Variants in NRXN3 observed in about 807,000 individuals in gnomAD.
NRXN3 encodes the protein neurexin 3.
A neutral mutation model predicts 137.6 loss-of-function variants in NRXN3; 32 were observed. The observed-to-expected ratio is 0.23, with a 90% CI of 0.18 to 0.31. The LOEUF is 0.31. Among genes scored for constraint, NRXN3 ranks in the 10% least tolerant of loss-of-function variants. The pLI, the probability that NRXN3 is intolerant of heterozygous loss-of-function variation, is 1.00. For synonymous variants in NRXN3, 798 were observed against 784.5 expected (o/e 1.02, Z -0.29); for missense variants, 1,574 against 2,062.5 (o/e 0.76, Z 4.59).
chr14:79,355,285 C>T (rs1425841458), intron 15 of NRXN3, among the ~76,000 whole-genome samples: 4 of 150,978 alleles, frequency 2.6e-5, no homozygotes. Flanking sequence ...TCCTCTGTCC[C>T]TCCAACTCTT....
chr14:79,716,964 A>T (rs1157287410), intron 19 of NRXN3, among the ~76,000 whole-genome samples: 1 of 152,174 alleles, frequency 6.6e-6, no homozygotes, highest in Non-Finnish European at 1.5e-5. Context: ...CTTTGCCCAG[A>T]TAAGTTCTTC....
chr14:79,279,194 C>A (rs923148389), intron 15 of NRXN3: 29 of 247,752 alleles, frequency 1.2e-4, no homozygotes, highest in Non-Finnish European at 1.6e-4. Flanking sequence ...GTGCTGGAGG[C>A]TCGCGCGGGT....
At chr14:79,369,309 G>A (rs751130177) in intron 15 of NRXN3, among the ~76,000 whole-genome samples, 2 of 152,138 alleles carry the variant, frequency 1.3e-5, no homozygotes. Context: ...TTCTATTTTG[G>A]CTTCTATGTC....
intron 10 of NRXN3, among the ~76,000 whole-genome samples, chr14:78,813,196 CT>C (rs2098919986): frequency 6.6e-6 from 1 of 152,062 alleles, no homozygotes; most frequent in Non-Finnish European, 1.5e-5. Context: ...TATTTCATCC[CT>C]GGTATTATTG....
chr14:78,820,913 G>T (rs1386145027), intron 10 of NRXN3, among the ~76,000 whole-genome samples: 1 of 152,108 alleles, frequency 6.6e-6, no homozygotes, highest in Non-Finnish European at 1.5e-5. Context: ...AGGCCTGCTG[G>T]GGCACATTTC....
At chr14:78,425,553 G>A (rs572653794) in intron 4 of NRXN3, among the ~76,000 whole-genome samples, 2 of 152,220 alleles carry the variant, frequency 1.3e-5, no homozygotes, top group East Asian at 3.9e-4. Context: ...AGGCCAGCAG[G>A]GGCCCCTCCC....
intron 4 of NRXN3, among the ~76,000 whole-genome samples, chr14:78,541,047 A>T (rs1330504221): frequency 6.6e-6 from 1 of 151,954 alleles, no homozygotes; most frequent in Admixed American, 6.6e-5. Context: ...GGCTACCCTT[A>T]ACACTTTTCC....
chr14:78,760,034 CTTT>C (rs61320632), intron 8 of NRXN3, among the ~76,000 whole-genome samples: 2 of 86,712 alleles, frequency 2.3e-5, no homozygotes, highest in Non-Finnish European at 2.1e-5. Flanking sequence ...AGCCTGCAGT[CTTT>C]TTTTTTTTTT....
At chr14:79,812,101 A>C (rs183150878) in intron 20 of NRXN3, among the ~76,000 whole-genome samples, 158 of 152,242 alleles carry the variant, frequency 1.0e-3, no homozygotes, top group African/African-American at 3.7e-3. Context: ...ACTATTGTGG[A>C]TTTCATAACA....
At chr14:78,303,776 A>G (rs2077098495) in intron 4 of NRXN3, among the ~76,000 whole-genome samples, 1 of 152,068 alleles carries the variant, frequency 6.6e-6, no homozygotes, top group African/African-American at 2.4e-5. Context: ...TGAAGATCCA[A>G]GCCTCCTAAG....
chr14:78,735,822 C>G (rs1398253763), intron 8 of NRXN3, among the ~76,000 whole-genome samples: 1 of 152,098 alleles, frequency 6.6e-6, no homozygotes, highest in Non-Finnish European at 1.5e-5. Context: ...ATTGAAAGAC[C>G]TAAGTTAGAA....
At chr14:78,194,641 A>C (rs1184462126) in intron 1 of NRXN3, among the ~76,000 whole-genome samples, 1 of 152,082 alleles carries the variant, frequency 6.6e-6, no homozygotes, top group African/African-American at 2.4e-5. Flanking sequence ...AGAGCTACCT[A>C]TGCTGCGGGT....
intron 15 of NRXN3, among the ~76,000 whole-genome samples, chr14:79,354,999 G>A (rs2093365526): frequency 1.3e-5 from 2 of 152,132 alleles, no homozygotes; most frequent in South Asian, 4.1e-4. Context: ...TGCGGAGTTA[G>A]GTCAGTCAGC....
intron 1 of NRXN3, among the ~76,000 whole-genome samples, chr14:78,223,989 T>A (rs2064165877): frequency 6.6e-6 from 1 of 152,124 alleles, no homozygotes; most frequent in Non-Finnish European, 1.5e-5. Context: ...GCCCCTCTCC[T>A]ATCTACCCTG....
intron 1 of NRXN3, among the ~76,000 whole-genome samples, chr14:78,174,043 C>T (rs908940835): frequency 3.3e-5 from 5 of 152,050 alleles, no homozygotes; most frequent in Admixed American, 1.3e-4. Context: ...TGTCGTGTGT[C>T]GCAGTTCATG....
At chr14:79,061,309 C>CA (rs1357517408) in intron 15 of NRXN3, among the ~76,000 whole-genome samples, 2 of 152,150 alleles carry the variant, frequency 1.3e-5, no homozygotes, top group African/African-American at 2.4e-5. Flanking sequence ...TGCTACAAAG[C>CA]TGTAGACCTT....
At chr14:78,526,756 T>C (rs368034968) in intron 4 of NRXN3, 13 of 517,944 alleles carry the variant, frequency 2.5e-5, no homozygotes, top group Non-Finnish European at 4.6e-5. Context: ...TGATGACTAT[T>C]TATAGACAGG....
intron 4 of NRXN3, among the ~76,000 whole-genome samples, chr14:78,544,966 C>T (rs2096624356): frequency 6.6e-6 from 1 of 152,174 alleles, no homozygotes. Flanking sequence ...GGCAACTAAG[C>T]ATTCTTTTGT....
chr14:78,186,358 G>A (rs1419907312), intron 1 of NRXN3, among the ~76,000 whole-genome samples: 4 of 152,238 alleles, frequency 2.6e-5, no homozygotes, highest in Non-Finnish European at 4.4e-5. Context: ...CCCAGGCAGA[G>A]CCTGAGGTGC....
Sources: gnomAD v4.1 joint callset for allele counts (sites outside exome capture counted in the v4.1 genomes callset) on GRCh38, gnomAD v4.1.1 for gene constraint, MANE v1.5 for transcripts, NCBI Gene and HGNC (gene_info 2026-07-23, HGNC 2026-07-21) for gene names.